CELF2: variants seen among roughly 807,000 people sequenced by gnomAD.
The protein encoded by CELF2 is CUG triplet repeat RNA-binding protein 2.
CELF2 carries 8 observed loss-of-function variants against 62.6 expected under a neutral mutation model. The ratio of observed to expected loss-of-function variants is 0.13; its 90% confidence interval spans 0.07 to 0.23. The LOEUF is 0.23. CELF2 is among the 10% of genes least tolerant of loss of function. The pLI is 1.00. For missense variants in CELF2, 333 were observed against 671.0 expected (o/e 0.50, Z 5.56); for synonymous variants, 258 against 250.0 (o/e 1.03, Z -0.30).
chr10:11,141,809 C>T (rs1273635996), intron 1 of CELF2, among the ~76,000 whole-genome samples: 1 of 152,192 alleles, frequency 6.6e-6, no homozygotes, highest in African/African-American at 2.4e-5. Flanking sequence ...AAGATAAAAA[C>T]ATAATGTATG....
rs1259555979 is a variant in CELF2, at chr10:11,336,327, GT to G, written c.*7278del. On this transcript the variant is annotated 3_prime_UTR_variant, in exon 13 of 13. Transcript: ENST00000633077. This position sits in a 1 kb window ranked among gnomAD's most constrained non-coding sequence, Gnocchi z 5.4. ...TAGTTCACTATTTTTGCTGTGTTCT[GT>G]TTTCTCCTCTCATGCTTGGGCAAAT... 6.6e-6 allele frequency: 1 copy of G among 152,618 alleles called. No homozygotes were observed. The highest frequency in any genetic ancestry group is 2.4e-5 in the African/African-American group (1 of 41,436). 9.5% of individuals were successfully genotyped at this position (152,618 alleles called of 1,614,324 possible). A position where few individuals can be genotyped will look rare whatever the true frequency, so the allele number is the denominator to read the frequency against.
intron 2 of CELF2, among the ~76,000 whole-genome samples, chr10:10,982,621 G>A (rs1048306584): frequency 1.1e-4 from 16 of 152,174 alleles, no homozygotes; most frequent in African/African-American, 3.9e-4. Flanking sequence ...TTTAAAGTAT[G>A]CTGAGTGCTT....
chr10:11,104,812 A>T (rs2142843281), intron 1 of CELF2, among the ~76,000 whole-genome samples: 1 of 152,390 alleles, frequency 6.6e-6, no homozygotes, highest in Admixed American at 6.5e-5. Flanking sequence ...AATAGGAATC[A>T]TCTGGGAAAA....
chr10:10,493,658 A>T, the CELF2 span, among the ~76,000 whole-genome samples: 17 of 151,856 alleles, frequency 1.1e-4, no homozygotes. Context: ...CAGCCTCCTG[A>T]GTAGCTGGGA....
chr10:10,665,946 T>C, the CELF2 span, among the ~76,000 whole-genome samples: 2 of 152,192 alleles, frequency 1.3e-5, no homozygotes, highest in Non-Finnish European at 2.9e-5. Context: ...AAGCTTATAA[T>C]AGTGTTTCAC....
chr10:11,197,039 A>AGG (rs2057954781), intron 2 of CELF2, among the ~76,000 whole-genome samples: 1 of 40,270 alleles, frequency 2.5e-5, no homozygotes, highest in African/African-American at 1.5e-4. Flanking sequence ...GAAAGAAAGA[A>AGG]AGAAAGAAAG....
intron 9 of CELF2, among the ~76,000 whole-genome samples, chr10:11,298,627 T>C (rs1329058667): frequency 6.6e-6 from 1 of 151,722 alleles, no homozygotes. Context: ...TCTTAATTAT[T>C]TTCTCAGTTG....
intron 2 of CELF2, among the ~76,000 whole-genome samples, chr10:11,171,999 C>T (rs927371197): frequency 1.3e-5 from 2 of 152,022 alleles, no homozygotes; most frequent in Admixed American, 6.5e-5. Flanking sequence ...CCTGGGAGCC[C>T]GTTTATTTAA....
the CELF2 span, among the ~76,000 whole-genome samples, chr10:10,533,833 G>C: frequency 6.6e-6 from 1 of 152,206 alleles, no homozygotes; most frequent in East Asian, 1.9e-4. Flanking sequence ...TTGGAGTCCA[G>C]GAGAGAGCTG....
chr10:10,639,156 A>G, the CELF2 span, among the ~76,000 whole-genome samples: 3 of 152,248 alleles, frequency 2.0e-5, no homozygotes, highest in Admixed American at 1.3e-4. Flanking sequence ...AATATGTGCA[A>G]TTGTTCTGCA....
chr10:11,121,335 A>G (rs917721934), intron 1 of CELF2, among the ~76,000 whole-genome samples: 8 of 152,164 alleles, frequency 5.3e-5, no homozygotes, highest in Admixed American at 3.9e-4. Flanking sequence ...GTAGGTCTGG[A>G]CTGTTTGCTT....
At chr10:11,063,698 T>G (rs867496328) in intron 1 of CELF2, among the ~76,000 whole-genome samples, 8 of 152,242 alleles carry the variant, frequency 5.3e-5, no homozygotes, top group Non-Finnish European at 1.2e-4. Context: ...ATTCTTAACG[T>G]AGATAAGACA....
Position 11,055,803 on chromosome 10 carries a change from C to G in CELF2, c.74+37640C>G, listed in dbSNP as rs528570733. Reference sequence around the variant, plus strand: ...ACATGTGAGTCTTTTCTTCTTTTCCCTCTCCCCATCTGGAGTATCCCCCAT... The same window carrying G: ...ACATGTGAGTCTTTTCTTCTTTTCCGTCTCCCCATCTGGAGTATCCCCCAT... On this transcript the variant is annotated intron_variant, in intron 1 of 12. Transcript: ENST00000633077. 3.3e-5 allele frequency among the ~76,000 whole-genome samples: 5 copies of G among 152,330 alleles called. No homozygotes were observed. The South Asian group carries it at 8.3e-4, about 25-fold the overall frequency.
chr10:11,032,389 G>T (rs559800505), intron 1 of CELF2, among the ~76,000 whole-genome samples: 32 of 152,038 alleles, frequency 2.1e-4, no homozygotes, highest in Non-Finnish European at 3.8e-4. Flanking sequence ...AAGCTGAGGT[G>T]GGGGAATCGC....
chr10:11,330,265 C>T lies in CELF2; in HGVS notation c.*1212C>T, dbSNP rs773741732. 2.0e-5 allele frequency: 3 copies of T among 152,696 alleles called. No homozygotes were observed. Among genetic ancestry groups the T allele is most frequent in the Non-Finnish European group, 2.9e-5 (2 of 68,038 alleles). The allele number at this position is 152,696 out of a possible 1,614,324, so 9.5% of individuals were successfully genotyped here. On this transcript the variant is annotated 3_prime_UTR_variant, in exon 13 of 13. Coordinates refer to ENST00000633077, the MANE Select transcript of CELF2 (RefSeq NM_001326342.2). The surrounding 1 kb of genome is among the most constrained non-coding windows in gnomAD (Gnocchi z 4.5). ...GGAATCCATCCCGTTTCGCTCTCTC[C>T]AGATGGATTCTCTTGGGGTTTCATT...
rs114472536 is a variant in CELF2, at chr10:11,227,622, C to G, written c.354+10115C>G. 4.9e-3 allele frequency among the ~76,000 whole-genome samples: 752 copies of G among 152,254 alleles called. 5 individuals are homozygous for G. The highest frequency in any genetic ancestry group is 0.017 in the African/African-American group (698 of 41,548). The stretch of plus-strand genomic sequence containing the variant: ...TGCTGTTATCTGCTGTTAGATTCGG[C>G]CGGAATCTAAGGGATAGAGATGTAT... On this transcript the variant is annotated intron_variant, in intron 3 of 12. Coordinates refer to ENST00000633077, the MANE Select transcript of CELF2 (RefSeq NM_001326342.2). This position sits in a 1 kb window ranked among gnomAD's most constrained non-coding sequence, Gnocchi z 4.8.
At chr10:10,536,371 CA>C in the CELF2 span, among the ~76,000 whole-genome samples, 14 of 152,196 alleles carry the variant, frequency 9.2e-5, no homozygotes, top group Non-Finnish European at 2.9e-5. Context: ...GTACTTTCCA[CA>C]AACACAGTTT....
intron 1 of CELF2, among the ~76,000 whole-genome samples, chr10:10,906,218 ATTC>A (rs2063329668): frequency 1.3e-5 from 2 of 152,336 alleles, no homozygotes; most frequent in Admixed American, 6.5e-5. Context: ...TGGTGAAAAT[ATTC>A]TTAATTTCCA....
At position 11,012,696 on chromosome 10, in the gene CELF2, T is replaced by C. The variant is rs138052287; in HGVS notation, c.53+7256T>C. ...CAGTAAGACAAGAACTTCTGACCAG[T>C]TGGGGAAAACATGTCGTCGGGGTGG... On this transcript the variant is annotated intron_variant, in intron 1 of 12. Transcript: ENST00000416382. This position sits in a 1 kb window ranked among gnomAD's most constrained non-coding sequence, Gnocchi z 5.5. Among the ~76,000 whole-genome samples the C allele has an allele frequency of 2.0e-5, 3 of 152,138 alleles. No homozygotes were observed. Among genetic ancestry groups the C allele is most frequent in the Non-Finnish European group, 2.9e-5 (2 of 68,028 alleles).
Sources: gnomAD v4.1 joint callset for allele counts (sites outside exome capture counted in the v4.1 genomes callset) on GRCh38, gnomAD v4.1.1 for gene constraint, Gnocchi (gnomAD v3.1) non-coding constraint, MANE v1.5 for transcripts, NCBI Gene and HGNC (gene_info 2026-07-23, HGNC 2026-07-21) for gene names.